Variants in NUP155 observed in about 807,000 individuals in gnomAD.
NUP155 encodes nucleoporin 155.
In NUP155, 71 loss-of-function variants were observed where a neutral mutation model predicts 180.4. The observed-to-expected ratio is 0.39, with a 90% CI of 0.33 to 0.48. The LOEUF (loss-of-function observed/expected upper bound fraction) is 0.48, where lower values mean the gene tolerates loss of function less well. Among genes scored for constraint, NUP155 ranks in the 20% least tolerant of loss-of-function variants. NUP155 has a pLI of 0.91. For missense variants in NUP155, 1,553 were observed against 1,648.9 expected, an observed-to-expected ratio of 0.94 and a Z score of 1.01; for synonymous variants, 582 against 559.5, an observed-to-expected ratio of 1.04 and a Z score of -0.57.
At position 37,365,185 on chromosome 5, in the gene NUP155, G is replaced by A. The variant is rs2111732363; in HGVS notation, c.158-801C>T. On this transcript the variant is annotated intron_variant, in intron 1 of 34. Coordinates refer to ENST00000231498, the MANE Select transcript of NUP155 (RefSeq NM_153485.3). ...GCTGAGGCAGAACTGCTTGAACCCG[G>A]GAGGCGGAAGTTGCAGTGAGCTGAG... 2.0e-5 allele frequency among the ~76,000 whole-genome samples: 3 copies of A among 151,870 alleles called. No individual in the cohort carries two copies. In the Middle Eastern group the frequency reaches 0.01, roughly 517 times the overall value.
chr5:37,371,059 T>C lies in NUP155; in HGVS notation c.-82A>G, dbSNP rs374532573. 2 of 1,497,210 alleles carry C rather than the reference T, an allele frequency of 1.3e-6. No homozygotes were observed. The highest frequency in any genetic ancestry group is 1.8e-5 in the Admixed American group (1 of 56,142). The allele number at this position is 1,497,210 out of a possible 1,614,324, so 92.7% of individuals were successfully genotyped here. ...AAAAGATCCAAGAAGTTAGCTTAGATCCGCCGCCTAGGGCGCGCGCGCCAA... is the reference window on the plus strand; with the variant it reads ...AAAAGATCCAAGAAGTTAGCTTAGACCCGCCGCCTAGGGCGCGCGCGCCAA... On this transcript the variant is annotated 5_prime_UTR_variant, in exon 1 of 35. Coordinates refer to ENST00000231498, the MANE Select transcript of NUP155 (RefSeq NM_153485.3).
chr5:37,300,534 A>C (rs140604406), intron 30 of NUP155, among the ~76,000 whole-genome samples: 105 of 152,384 alleles, frequency 6.9e-4, no homozygotes, highest in African/African-American at 2.5e-3. Flanking sequence ...CTAAGAATAA[A>C]TGAAGAGGAA....
chr5:37,336,591 G>C (rs1239093306), intron 12 of NUP155, among the ~76,000 whole-genome samples: 1 of 152,100 alleles, frequency 6.6e-6, no homozygotes, highest in Non-Finnish European at 1.5e-5. Context: ...GAAACAGAGA[G>C]CCAAAAGCAT....
intron 22 of NUP155, among the ~76,000 whole-genome samples, chr5:37,313,667 ATTTATTT>A (rs563992550): frequency 0.013 from 1,973 of 152,074 alleles, 19 homozygotes; most frequent in South Asian, 0.023. Flanking sequence ...CACTTGACTA[ATTTATTT>A]TTTATTTTTA....
chr5:37,293,930 C>T lies in NUP155; in HGVS notation c.3930+399G>A, dbSNP rs1339635924. Among the ~76,000 whole-genome samples the T allele has an allele frequency of 3.9e-5, 4 of 103,256 alleles. 1 individual carries two copies. The highest frequency in any genetic ancestry group is 6.6e-5 in the Non-Finnish European group (4 of 60,928). 67.7% of individuals were successfully genotyped at this position (103,256 alleles called of 152,430 possible). A position where few individuals can be genotyped will look rare whatever the true frequency, so the allele number is the denominator to read the frequency against. On this transcript the variant is annotated intron_variant, in intron 33 of 34. Transcript: ENST00000231498. Reference sequence around the variant, plus strand: ...AGGAGAATGGCGTGAACCCGGGAAGCGGAGCTTGCAGTGAGCCGAGATTGC... The same window carrying T: ...AGGAGAATGGCGTGAACCCGGGAAGTGGAGCTTGCAGTGAGCCGAGATTGC...
intron 1 of NUP155, among the ~76,000 whole-genome samples, chr5:37,366,595 C>T (rs895986733): frequency 7.9e-5 from 12 of 152,018 alleles, no homozygotes; most frequent in East Asian, 3.9e-4. Flanking sequence ...TGAGCCACCA[C>T]GCCCAGCTAA....
intron 21 of NUP155, 118 bp from the exon 22 acceptor site, chr5:37,314,446 G>A (rs1743744915): frequency 1.4e-6 from 1 of 722,990 alleles, no homozygotes; most frequent in Non-Finnish European, 2.4e-6. Context: ...CCCCATTACA[G>A]GCAACCATGA....
chr5:37,291,913 T>G lies in NUP155; in HGVS notation c.4163A>C (p.Glu1388Ala), dbSNP rs1346887428. The G allele has an allele frequency of 6.2e-7, 1 of 1,614,034 alleles. No individual in the cohort carries two copies. The highest frequency in any genetic ancestry group is 2.2e-5 in the East Asian group (1 of 44,872). The change falls in exon 35 of 35, where the codon GAA (glutamate) becomes GCA (alanine). Residue 1388 changes from glutamate (E) to alanine (A), a missense_variant. Coordinates refer to ENST00000231498, the MANE Select transcript of NUP155 (RefSeq NM_153485.3). ...ATATCACAGTAATTAATGAAGCCGT[T>G]CTAATTTAGCTTGAAGAGATTTAAA... Reference protein sequence around the residue: ...GNFKSLQAKLERLH With the variant: ...GNFKSLQAKLARLH
chr5:37,365,999 T>C (rs1415233931), intron 1 of NUP155, among the ~76,000 whole-genome samples: 4 of 151,754 alleles, frequency 2.6e-5, no homozygotes, highest in Non-Finnish European at 5.9e-5. Flanking sequence ...AAACAACCCA[T>C]GACTTTTCCC....
chr5:37,356,053 A>C (rs1251303565), intron 4 of NUP155, among the ~76,000 whole-genome samples: 2 of 151,462 alleles, frequency 1.3e-5, no homozygotes, highest in Non-Finnish European at 2.9e-5. Context: ...AACATGGAGA[A>C]TTCCCATCTC....
chr5:37,305,108 T>C lies in NUP155; in HGVS notation c.3006A>G (p.Pro1002=), dbSNP rs1743078332. 3 of 1,614,004 alleles carry C rather than the reference T, an allele frequency of 1.9e-6. No homozygotes were observed. Among genetic ancestry groups the C allele is most frequent in the East Asian group, 2.2e-5 (1 of 44,874 alleles). ...SPSVPKKPGP[P]VLSSDPNMLS... Reference sequence around the variant, plus strand: ...GCATATTTGGATCAGATGACAACACTGGAGGACCAGGTTTTTTGGGTACAC... The same window carrying C: ...GCATATTTGGATCAGATGACAACACCGGAGGACCAGGTTTTTTGGGTACAC... The change falls in exon 26 of 35, where the codon CCA becomes CCG. Residue 1002 remains proline (P), a synonymous_variant. Transcript: ENST00000231498.
chr5:37,348,320 A>G (rs1746236963), intron 9 of NUP155, among the ~76,000 whole-genome samples, 185 bp downstream of exon 9: 1 of 151,954 alleles, frequency 6.6e-6, no homozygotes, highest in African/African-American at 2.4e-5. Flanking sequence ...ATAAATAAAT[A>G]AATAAATAAA....
intron 15 of NUP155, 43 bp from the exon 16 acceptor site, chr5:37,329,321 C>T: frequency 6.7e-7 from 1 of 1,487,578 alleles, no homozygotes; most frequent in Non-Finnish European, 9.4e-7. Context: ...GTAAAACAAA[C>T]CATCCATCTT....
At chr5:37,365,421 T>C (rs1747496027) in intron 1 of NUP155, among the ~76,000 whole-genome samples, 1 of 149,824 alleles carries the variant, frequency 6.7e-6, no homozygotes, top group Non-Finnish European at 1.5e-5. Flanking sequence ...CATAAATATA[T>C]ACACCGTTGG....
At chr5:37,323,844 A>G in intron 20 of NUP155, 148 bp downstream of exon 20, 1 of 625,816 alleles carries the variant, frequency 1.6e-6, no homozygotes, top group Non-Finnish European at 2.9e-6. Context: ...AAAATTAGAT[A>G]GTGGTGATGG....
intron 9 of NUP155, among the ~76,000 whole-genome samples, chr5:37,345,163 GAT>G (rs1463729155): frequency 1.3e-5 from 2 of 151,560 alleles, no homozygotes; most frequent in Non-Finnish European, 2.9e-5. Context: ...AAAAAAAAAA[GAT>G]TTTGGGGACT....
intron 24 of NUP155, 63 bp downstream of exon 24, chr5:37,309,066 T>C (rs1413980595): frequency 2.6e-5 from 40 of 1,557,512 alleles, no homozygotes; most frequent in African/African-American, 5.4e-5. Flanking sequence ...GCTTGCTTCA[T>C]TCATACACTA....
chr5:37,348,957 T>C (rs1299319621), intron 8 of NUP155, among the ~76,000 whole-genome samples: 2 of 152,018 alleles, frequency 1.3e-5, no homozygotes, highest in African/African-American at 4.8e-5. Context: ...GGTTTCATCA[T>C]GTTGGCTAGA....
At chr5:37,300,389 C>T (rs1189610299) in intron 30 of NUP155, among the ~76,000 whole-genome samples, 1 of 152,122 alleles carries the variant, frequency 6.6e-6, no homozygotes, top group African/African-American at 2.4e-5. Flanking sequence ...TGTTTTTGTA[C>T]CCATTAACCA....
Sources: allele counts gnomAD v4.1 joint callset (sites outside exome capture counted in the v4.1 genomes callset), GRCh38; gene constraint gnomAD v4.1.1; transcripts MANE v1.5; gene names NCBI Gene and HGNC (gene_info 2026-07-23, HGNC 2026-07-21).